The following LRRTM4 variants were observed in gnomAD, a reference collection of about 807,000 sequenced individuals.
LRRTM4 encodes the protein leucine rich repeat transmembrane neuronal 4.
In LRRTM4, 25 loss-of-function variants were observed where a neutral mutation model predicts 47.6. That is an observed-to-expected ratio of 0.53 (90% CI 0.38 to 0.73). The LOEUF (loss-of-function observed/expected upper bound fraction) is 0.73. LRRTM4 is among the 30% of genes least tolerant of loss of function. The pLI is 0.00. For missense variants in LRRTM4, 638 were observed against 713.4 expected (o/e 0.89, Z 1.20); for synonymous variants, 311 against 269.5 (o/e 1.15, Z -1.51).
At chr2:77,167,661 A>T (rs935883572) in intron 3 of LRRTM4, among the ~76,000 whole-genome samples, 4 of 152,188 alleles carry the variant, frequency 2.6e-5, no homozygotes, top group African/African-American at 9.7e-5. Flanking sequence ...AGGGACATGG[A>T]TGAAGCTGGA....
intron 3 of LRRTM4, among the ~76,000 whole-genome samples, chr2:76,955,763 G>A (rs1573365012): frequency 1.3e-5 from 2 of 151,778 alleles, no homozygotes; most frequent in South Asian, 2.1e-4. Flanking sequence ...TACAAGGAGT[G>A]GATGACCGTC....
chr2:76,955,843 C>T (rs1278850597), intron 3 of LRRTM4, among the ~76,000 whole-genome samples: 2 of 151,682 alleles, frequency 1.3e-5, no homozygotes, highest in Non-Finnish European at 2.9e-5. Context: ...TCCCAGCCTC[C>T]AAACTACGAA....
chr2:77,216,105 A>G (rs558745087), intron 3 of LRRTM4, among the ~76,000 whole-genome samples: 1 of 152,190 alleles, frequency 6.6e-6, no homozygotes, highest in East Asian at 1.9e-4. Context: ...CCACCCAGCA[A>G]TACAACTAAT....
At chr2:76,905,873 G>C (rs1292588628) in intron 3 of LRRTM4, among the ~76,000 whole-genome samples, 1 of 152,128 alleles carries the variant, frequency 6.6e-6, no homozygotes, top group African/African-American at 2.4e-5. Context: ...CATCTGATTG[G>C]TGTACCTGAA....
chr2:77,453,640 TATA>T (rs1323751461), intron 3 of LRRTM4, among the ~76,000 whole-genome samples: 1 of 152,206 alleles, frequency 6.6e-6, no homozygotes, highest in East Asian at 1.9e-4. Flanking sequence ...CTTTTCTTGA[TATA>T]ATATTTCTAT....
chr2:77,360,010 TAA>T (rs200013319), intron 3 of LRRTM4, among the ~76,000 whole-genome samples: 2 of 152,248 alleles, frequency 1.3e-5, no homozygotes, highest in East Asian at 1.9e-4. Flanking sequence ...TTCTTTTTTT[TAA>T]AAAAAGTATA....
intron 3 of LRRTM4, among the ~76,000 whole-genome samples, chr2:77,103,667 A>ATATATATATATATATC (rs145819033): frequency 0.016 from 2,295 of 146,042 alleles, 52 homozygotes; most frequent in Admixed American, 0.04. Context: ...ATATATAGAT[A>ATATATATATATATATC]TATATATCAC....
chr2:77,331,089 G>C (rs1670955658), intron 3 of LRRTM4, among the ~76,000 whole-genome samples: 1 of 152,066 alleles, frequency 6.6e-6, no homozygotes, highest in African/African-American at 2.4e-5. Context: ...CTGGTGGGTG[G>C]ATCTAGAGAT....
chr2:76,919,642 C>A (rs892652767), intron 3 of LRRTM4, among the ~76,000 whole-genome samples: 1 of 152,104 alleles, frequency 6.6e-6, no homozygotes, highest in East Asian at 1.9e-4. Flanking sequence ...TTTATAATTA[C>A]CACTTCTGAA....
chr2:76,985,683 A>G (rs1369758589), intron 3 of LRRTM4, among the ~76,000 whole-genome samples: 1 of 152,014 alleles, frequency 6.6e-6, no homozygotes, highest in Non-Finnish European at 1.5e-5. Flanking sequence ...CTAATGTGAG[A>G]GGCAATCAAA....
chr2:77,421,305 C>T (rs1296516862), intron 3 of LRRTM4, among the ~76,000 whole-genome samples: 2 of 152,074 alleles, frequency 1.3e-5, no homozygotes. Flanking sequence ...TTAAGATAAC[C>T]CAGTGTTTCT....
intron 3 of LRRTM4, among the ~76,000 whole-genome samples, chr2:77,203,723 G>A (rs928510848): frequency 6.6e-6 from 1 of 152,140 alleles, no homozygotes; most frequent in Admixed American, 6.6e-5. Flanking sequence ...CAGAGGCAAT[G>A]GATATTCTTC....
At chr2:77,372,961 G>C (rs1672704097) in intron 3 of LRRTM4, among the ~76,000 whole-genome samples, 2 of 150,088 alleles carry the variant, frequency 1.3e-5, no homozygotes, top group African/African-American at 4.9e-5. Flanking sequence ...AAAAAAAAAG[G>C]CTTACTAAAA....
chr2:77,292,901 G>A (rs185888860), intron 3 of LRRTM4, among the ~76,000 whole-genome samples: 193 of 151,398 alleles, frequency 1.3e-3, no homozygotes, highest in African/African-American at 4.5e-3. Flanking sequence ...CACATCACTC[G>A]TTAATAGCAG....
intron 3 of LRRTM4, among the ~76,000 whole-genome samples, chr2:77,126,949 T>C (rs935254328): frequency 5.3e-5 from 8 of 152,154 alleles, no homozygotes; most frequent in African/African-American, 1.9e-4. Flanking sequence ...CAAGGATTTG[T>C]GAAAGGTCCT....
chr2:77,114,625 GTTCT>G (rs1255781377), intron 3 of LRRTM4, among the ~76,000 whole-genome samples: 7 of 152,088 alleles, frequency 4.6e-5, no homozygotes, highest in African/African-American at 1.2e-4. Context: ...TTCAACGTAG[GTTCT>G]TTCTATTTTC....
chr2:77,370,890 C>A (rs1672631801), intron 3 of LRRTM4, among the ~76,000 whole-genome samples: 1 of 151,658 alleles, frequency 6.6e-6, no homozygotes, highest in East Asian at 1.9e-4. Context: ...ATAAAAGGAA[C>A]TGAGGCATCC....
At chr2:77,207,666 A>G (rs1381322065) in intron 3 of LRRTM4, among the ~76,000 whole-genome samples, 1 of 151,708 alleles carries the variant, frequency 6.6e-6, no homozygotes, top group African/African-American at 2.4e-5. Flanking sequence ...ATCACTGACA[A>G]TTCTGGATGG....
At chr2:77,319,408 G>A (rs1407398272) in intron 3 of LRRTM4, among the ~76,000 whole-genome samples, 1 of 150,534 alleles carries the variant, frequency 6.6e-6, no homozygotes, top group East Asian at 1.9e-4. Flanking sequence ...AAAAAAGCCA[G>A]CCTCAAGTTT....
Sources: allele counts gnomAD v4.1 joint callset (sites outside exome capture counted in the v4.1 genomes callset), GRCh38; gene constraint gnomAD v4.1.1; transcripts MANE v1.5; gene names NCBI Gene and HGNC (gene_info 2026-07-23, HGNC 2026-07-21).